The following LHFPL3 variants were observed in gnomAD, a reference collection of about 807,000 sequenced individuals.
LHFPL3 encodes the protein LHFPL tetraspan subfamily member 3, also known as LHFPL tetraspan subfamily member 3 protein.
A neutral mutation model predicts 19.3 loss-of-function variants in LHFPL3; 5 were observed. The ratio of observed to expected loss-of-function variants is 0.26; its 90% CI spans 0.14 to 0.54. LHFPL3 has a LOEUF of 0.54. Ranked by LOEUF, LHFPL3 falls within the 20% of genes least tolerant of loss-of-function variation. The pLI is 0.94. For synonymous variants in LHFPL3, 133 were observed against 126.2 expected (o/e 1.05, Z -0.36); for missense variants, 249 against 307.4 (o/e 0.81, Z 1.42).
intron 1 of LHFPL3, among the ~76,000 whole-genome samples, chr7:104,464,776 C>T (rs1043116543): frequency 8.5e-5 from 13 of 152,196 alleles, no homozygotes; most frequent in African/African-American, 2.9e-4. Flanking sequence ...ATTTTTCCCT[C>T]CTAGGCCTCT....
intron 1 of LHFPL3, among the ~76,000 whole-genome samples, chr7:104,424,832 A>C (rs1023977855): frequency 6.6e-6 from 1 of 151,934 alleles, no homozygotes. Context: ...TCTACAAAAA[A>C]TTAGCCGGGC....
At chr7:104,429,804 C>T (rs1219574754) in intron 1 of LHFPL3, among the ~76,000 whole-genome samples, 4 of 151,640 alleles carry the variant, frequency 2.6e-5, no homozygotes, top group Non-Finnish European at 4.4e-5. Flanking sequence ...GAGAGGTGAC[C>T]GGAGCAAATC....
intron 1 of LHFPL3, among the ~76,000 whole-genome samples, chr7:104,545,024 G>A (rs1584392257): frequency 1.3e-5 from 2 of 152,104 alleles, no homozygotes; most frequent in East Asian, 1.9e-4. Context: ...TGCACATCTC[G>A]TCTTGAATTC....
At chr7:104,897,904 T>C (rs751316302) in intron 2 of LHFPL3, among the ~76,000 whole-genome samples, 1 of 150,524 alleles carries the variant, frequency 6.6e-6, no homozygotes, top group Non-Finnish European at 1.5e-5. Flanking sequence ...ATAAAGGTAG[T>C]AGAAAAAGAA....
chr7:104,561,118 G>T (rs558427155), intron 1 of LHFPL3, among the ~76,000 whole-genome samples: 9 of 152,134 alleles, frequency 5.9e-5, no homozygotes, highest in East Asian at 3.9e-4. Context: ...GGTCAATTTT[G>T]GAATAGGTGT....
chr7:104,499,042 A>T (rs563599561), intron 1 of LHFPL3, among the ~76,000 whole-genome samples: 1 of 152,368 alleles, frequency 6.6e-6, no homozygotes, highest in African/African-American at 2.4e-5. Flanking sequence ...ATTTAAACTC[A>T]TTCATAAAAA....
intron 2 of LHFPL3, among the ~76,000 whole-genome samples, chr7:104,888,771 A>G (rs1404654719): frequency 6.6e-6 from 1 of 152,242 alleles, no homozygotes; most frequent in Non-Finnish European, 1.5e-5. Flanking sequence ...AGGCTGTAGA[A>G]GGCAGAAATC....
At chr7:104,418,651 G>A (rs1166696412) in intron 1 of LHFPL3, among the ~76,000 whole-genome samples, 1 of 152,218 alleles carries the variant, frequency 6.6e-6, no homozygotes, top group Non-Finnish European at 1.5e-5. Context: ...GATACAAGGT[G>A]CTTAGGATTT....
At chr7:104,496,526 A>G (rs1000881925) in intron 1 of LHFPL3, among the ~76,000 whole-genome samples, 1 of 152,100 alleles carries the variant, frequency 6.6e-6, no homozygotes, top group African/African-American at 2.4e-5. Flanking sequence ...CTAGTTCTAG[A>G]TCCCTGAGGA....
At chr7:104,512,454 C>T (rs2115774788) in intron 1 of LHFPL3, among the ~76,000 whole-genome samples, 1 of 151,890 alleles carries the variant, frequency 6.6e-6, no homozygotes, top group Admixed American at 6.6e-5. Context: ...TAAAGTGGGA[C>T]ACATGAGCGT....
intron 2 of LHFPL3, among the ~76,000 whole-genome samples, chr7:104,740,711 G>A (rs933377924): frequency 6.6e-6 from 1 of 152,110 alleles, no homozygotes; most frequent in African/African-American, 2.4e-5. Context: ...TCATTATCAC[G>A]AGAACAGTAT....
intron 1 of LHFPL3, among the ~76,000 whole-genome samples, chr7:104,358,091 A>G (rs1288210917): frequency 6.6e-6 from 1 of 152,190 alleles, no homozygotes; most frequent in Non-Finnish European, 1.5e-5. Flanking sequence ...ATAGCATATG[A>G]GTTTATTTAT....
intron 2 of LHFPL3, among the ~76,000 whole-genome samples, chr7:104,838,530 A>G (rs535063254): frequency 1.3e-5 from 2 of 152,314 alleles, no homozygotes; most frequent in African/African-American, 4.8e-5. Flanking sequence ...ATGAGTTTTG[A>G]CTGTAGCTGA....
intron 1 of LHFPL3, among the ~76,000 whole-genome samples, chr7:104,488,554 T>C (rs1793279763): frequency 6.6e-6 from 1 of 152,142 alleles, no homozygotes; most frequent in Non-Finnish European, 1.5e-5. Flanking sequence ...TCTCTCATCT[T>C]CAGATCCTAA....
Position 104,370,381 on chromosome 7 carries a change from TC to T in LHFPL3, c.445+41158del, listed in dbSNP as rs556752363. 5.7e-4 allele frequency among the ~76,000 whole-genome samples: 87 copies of T among 152,220 alleles called. No homozygotes were observed. The South Asian group carries it at 0.017, about 30-fold the overall frequency. ...CGAGTGTCCTTTTTTCCTCTTTCAG[TC>T]TTCCAGGCTCCCTCTAGCACCACCG... On this transcript the variant is annotated intron_variant, in intron 1 of 2. Transcript: ENST00000424859.
chr7:104,589,567 A>C (rs1442854485), intron 1 of LHFPL3, among the ~76,000 whole-genome samples: 3 of 152,084 alleles, frequency 2.0e-5, no homozygotes, highest in Non-Finnish European at 2.9e-5. Context: ...ATTGGTCTAA[A>C]ATTCTCTTTT....
intron 1 of LHFPL3, among the ~76,000 whole-genome samples, chr7:104,447,982 C>T (rs2116594928): frequency 6.6e-6 from 1 of 152,108 alleles, no homozygotes; most frequent in African/African-American, 2.4e-5. Context: ...TTTAAATTTA[C>T]TTTTTCTACT....
At chr7:104,565,868 C>T (rs1252610663) in intron 1 of LHFPL3, among the ~76,000 whole-genome samples, 5 of 152,194 alleles carry the variant, frequency 3.3e-5, no homozygotes, top group African/African-American at 9.6e-5. Flanking sequence ...AAACTCTCGG[C>T]TCCCATCCTG....
intron 1 of LHFPL3, among the ~76,000 whole-genome samples, chr7:104,691,317 T>C (rs1224780272): frequency 6.6e-6 from 1 of 152,214 alleles, no homozygotes; most frequent in Non-Finnish European, 1.5e-5. Context: ...TTCTGTTACA[T>C]TGCCTTCTCT....
Sources: gnomAD v4.1 joint callset for allele counts (sites outside exome capture counted in the v4.1 genomes callset) on GRCh38, gnomAD v4.1.1 for gene constraint, MANE v1.5 for transcripts, NCBI Gene and HGNC (gene_info 2026-07-23, HGNC 2026-07-21) for gene names.